The following HSD11B1 variants were observed in gnomAD, a reference collection of about 807,000 sequenced individuals.
HSD11B1 encodes 11-beta-hydroxysteroid dehydrogenase 1.
HSD11B1 carries 15 observed loss-of-function variants against 22.1 expected under a neutral mutation model. That is an observed-to-expected ratio of 0.68 (90% CI 0.45 to 1.04). The LOEUF is 1.04. HSD11B1 is among the 50% of genes least tolerant of loss of function. The probability of loss-of-function intolerance (pLI) is 0.00; values close to 1 mark genes in which losing one functional copy is unlikely to be tolerated. For synonymous variants in HSD11B1, 122 were observed against 125.2 expected, an observed-to-expected ratio of 0.97 and a Z score of 0.17; for missense variants, 281 against 357.6, an observed-to-expected ratio of 0.79 and a Z score of 1.73.
chr1:209,720,804 T>C (rs2076960336), intron 4 of HSD11B1, among the ~76,000 whole-genome samples: 1 of 152,132 alleles, frequency 6.6e-6, no homozygotes, highest in Non-Finnish European at 1.5e-5. Flanking sequence ...TCAGTATTAC[T>C]GTACTGGGTT....
intron 4 of HSD11B1, among the ~76,000 whole-genome samples, chr1:209,731,800 C>A (rs754303021): frequency 6.6e-6 from 1 of 152,104 alleles, no homozygotes; most frequent in African/African-American, 2.4e-5. Flanking sequence ...CTGCAACTTC[C>A]GCCTCCCAAA....
At chr1:209,689,962 C>G (rs867738530) in intron 1 of HSD11B1, among the ~76,000 whole-genome samples, 1 of 152,136 alleles carries the variant, frequency 6.6e-6, no homozygotes, top group East Asian at 1.9e-4. Context: ...ACATCAATAT[C>G]CCCCAGAGAT....
upstream of HSD11B1, among the ~76,000 whole-genome samples, chr1:209,704,281 T>C (rs2076842712): frequency 6.6e-6 from 1 of 152,256 alleles, no homozygotes; most frequent in African/African-American, 2.4e-5. Context: ...CCATCTGGGT[T>C]CTGGCTGGCT....
intron 1 of HSD11B1, among the ~76,000 whole-genome samples, chr1:209,696,567 C>A (rs542013860): frequency 6.6e-6 from 1 of 152,186 alleles, no homozygotes; most frequent in South Asian, 2.1e-4. Context: ...AAGGGAATTA[C>A]GCAGGGAATA....
At chr1:209,693,830 A>G (rs1330010925) in intron 1 of HSD11B1, among the ~76,000 whole-genome samples, 2 of 152,174 alleles carry the variant, frequency 1.3e-5, no homozygotes, top group Non-Finnish European at 2.9e-5. Context: ...GCATTCCCTC[A>G]GGTACTTCAC....
Position 209,705,923 on chromosome 1 carries a change from A to G in HSD11B1, c.201A>G (p.Ser67=). 6.2e-7 allele frequency: 1 copy of G among 1,613,994 alleles called. No individual in the cohort carries two copies. Among genetic ancestry groups the G allele is most frequent in the East Asian group, 2.2e-5 (1 of 44,872 alleles). The stretch of plus-strand genomic sequence containing the variant: ...CCCATGTGGTGGTGACAGCGAGGTC[A>G]AAAGAAACTCTACAGAAGGTGAGGG... ...MGAHVVVTAR[S]KETLQKVVSH... The change falls in exon 2 of 6, where the codon TCA becomes TCG. Residue 67 remains serine (S), a synonymous_variant. Transcript: ENST00000367027.
chr1:209,690,530 C>G (rs1475115905), intron 1 of HSD11B1, among the ~76,000 whole-genome samples: 1 of 152,012 alleles, frequency 6.6e-6, no homozygotes, highest in Non-Finnish European at 1.5e-5. Context: ...AACCCCATCT[C>G]TACTAAAAAT....
chr1:209,703,549 C>G (rs1178803052), upstream of HSD11B1, among the ~76,000 whole-genome samples: 2 of 152,184 alleles, frequency 1.3e-5, no homozygotes, highest in African/African-American at 4.8e-5. Context: ...ACAAGTGACC[C>G]TCACAGCTGT....
At chr1:209,721,357 C>A (rs2076965173) in intron 4 of HSD11B1, among the ~76,000 whole-genome samples, 1 of 149,282 alleles carries the variant, frequency 6.7e-6, no homozygotes, top group Non-Finnish European at 1.5e-5. Context: ...GACATGAGGT[C>A]AGCAATGACC....
intron 1 of HSD11B1, among the ~76,000 whole-genome samples, chr1:209,696,448 A>T (rs868294663): frequency 7.9e-5 from 12 of 152,212 alleles, no homozygotes; most frequent in Admixed American, 2.6e-4. Context: ...GGGTTTGGGT[A>T]AGCAGGTGGT....
rs188438544 is a variant in HSD11B1, at chr1:209,717,156, G to A, written c.517+10028G>A. Among the ~76,000 whole-genome samples the A allele has an allele frequency of 9.9e-4, 150 of 152,128 alleles. No homozygotes were observed. The Middle Eastern group carries it at 0.01, about 10-fold the overall frequency. The stretch of plus-strand genomic sequence containing the variant: ...GAAAATATTTGCAAAATATTCATGC[G>A]ACAAGGACTAATATCCAGAATATAC... On this transcript the variant is annotated intron_variant, in intron 4 of 5. Coordinates refer to ENST00000367027, the MANE Select transcript of HSD11B1 (RefSeq NM_005525.4).
At chr1:209,711,462 T>C (rs1324668715) in intron 4 of HSD11B1, among the ~76,000 whole-genome samples, 1 of 152,138 alleles carries the variant, frequency 6.6e-6, no homozygotes, top group African/African-American at 2.4e-5. Context: ...TTAAATCCAA[T>C]TACCTCAGAA....
In HSD11B1 at chr1:209,706,063, CACAG is replaced by C. The variant is rs1283890702; in HGVS notation, c.219+126_219+129del. 1 of 1,285,194 alleles carries C rather than the reference CACAG, an allele frequency of 7.8e-7. No individual in the cohort carries two copies. The highest frequency in any genetic ancestry group is 1.1e-6 in the Non-Finnish European group (1 of 895,022). 79.6% of individuals were successfully genotyped at this position (1,285,194 alleles called of 1,614,324 possible). A position where few individuals can be genotyped will look rare whatever the true frequency, so the allele number is the denominator to read the frequency against. On this transcript the variant is annotated intron_variant, in intron 2 of 5. Coordinates refer to ENST00000367027, the MANE Select transcript of HSD11B1 (RefSeq NM_005525.4). This position sits in a 1 kb window ranked among gnomAD's most constrained non-coding sequence, Gnocchi z 4.0. ...CTATATACAGAGGCACATGCACACA[CACAG>C]ACACTTAATTTTGCACTCTCATATA...
chr1:209,702,893 T>C (rs1035669413), upstream of HSD11B1, among the ~76,000 whole-genome samples: 5 of 152,264 alleles, frequency 3.3e-5, no homozygotes, highest in Non-Finnish European at 7.3e-5. Flanking sequence ...TTATTTTATC[T>C]AATCCCATGA....
chr1:209,698,124 G>A (rs1023333341), intron 1 of HSD11B1, among the ~76,000 whole-genome samples: 2 of 151,360 alleles, frequency 1.3e-5, no homozygotes, highest in African/African-American at 4.9e-5. Context: ...CATCTTGATA[G>A]GTAGACAGCT....
intron 4 of HSD11B1, among the ~76,000 whole-genome samples, chr1:209,719,757 T>C (rs1305633528): frequency 6.6e-6 from 1 of 152,220 alleles, no homozygotes; most frequent in Non-Finnish European, 1.5e-5. Flanking sequence ...CTTCATAGTA[T>C]TCCATGGTGT....
At chr1:209,687,090 C>CA (rs2076732959) in intron 1 of HSD11B1, among the ~76,000 whole-genome samples, 1 of 152,196 alleles carries the variant, frequency 6.6e-6, no homozygotes, top group East Asian at 1.9e-4. Flanking sequence ...ATCAATAGAC[C>CA]ATATCATCCA....
chr1:209,698,798 C>T (rs2076808805), intron 1 of HSD11B1, among the ~76,000 whole-genome samples: 1 of 152,178 alleles, frequency 6.6e-6, no homozygotes, highest in Admixed American at 6.5e-5. Context: ...TCTCCATCTC[C>T]ACTGGGGGCA....
rs201286680 is a variant in HSD11B1 at position 209,713,237 on chromosome 1, A to T, written c.517+6109A>T. ...ATAACTAGTTGTACTATATATTTATATTTATATCTGTATCTGTATCCATAG... is the reference window on the plus strand; with the variant it reads ...ATAACTAGTTGTACTATATATTTATTTTTATATCTGTATCTGTATCCATAG... On this transcript the variant is annotated intron_variant, in intron 4 of 5. Transcript: ENST00000367027. Among the ~76,000 whole-genome samples the T allele has an allele frequency of 2.9e-4, 44 of 152,316 alleles. No individual in the cohort carries two copies. The East Asian group carries it at 7.5e-3, about 26-fold the overall frequency.
Sources: allele counts gnomAD v4.1 joint callset (sites outside exome capture counted in the v4.1 genomes callset), GRCh38; gene constraint gnomAD v4.1.1; non-coding constraint Gnocchi (gnomAD v3.1); transcripts MANE v1.5; gene names NCBI Gene and HGNC (gene_info 2026-07-23, HGNC 2026-07-21).